The following DOCK11 variants were observed in gnomAD, a reference collection of about 807,000 sequenced individuals.
DOCK11 encodes dedicator of cytokinesis 11.
In DOCK11, 70 loss-of-function variants were observed where a neutral mutation model predicts 169.1. That is an observed-to-expected ratio of 0.41 (90% CI 0.34 to 0.51). The LOEUF is 0.51. Ranked by LOEUF, DOCK11 falls within the 20% of genes least tolerant of loss-of-function variation. The pLI is 0.10. For synonymous variants in DOCK11, 529 were observed against 541.3 expected (o/e 0.98, Z 0.32); for missense variants, 1,166 against 1,538.8 (o/e 0.76, Z 4.05).
At chrX:118,574,111 G>A (rs2013371411) in intron 12 of DOCK11, 93 bp downstream of exon 12, 1 of 932,708 alleles carries the variant, frequency 1.1e-6, no homozygotes, top group Non-Finnish European at 1.5e-6. Context: ...ATGTTTTCAT[G>A]GCATTCTCTC....
At chrX:118,568,198 TA>T (rs1432194211) in intron 10 of DOCK11, 36 bp downstream of exon 10, 2 of 865,453 alleles carry the variant, frequency 2.3e-6, no homozygotes, top group African/African-American at 4.2e-5. Context: ...GTCCTAGAAT[TA>T]TTGCTTATTC....
At chrX:118,654,511 G>A in intron 42 of DOCK11, 91 bp from the exon 43 acceptor site, 1 of 860,418 alleles carries the variant, frequency 1.2e-6, no homozygotes, top group East Asian at 3.1e-5. Flanking sequence ...AACAGGAAGT[G>A]AAAATCATAT....
intron 1 of DOCK11, among the ~76,000 whole-genome samples, chrX:118,525,092 C>T (rs1228433204): frequency 9.1e-6 from 1 of 109,581 alleles, no homozygotes; most frequent in Non-Finnish European, 1.9e-5. Context: ...TTGCAGTGAG[C>T]CAAAATAGCG....
At chrX:118,665,215 C>T (rs955181912) in intron 45 of DOCK11, among the ~76,000 whole-genome samples, 1 of 112,420 alleles carries the variant, frequency 8.9e-6, no homozygotes, top group Non-Finnish European at 1.9e-5. Flanking sequence ...TGTCCTTTTA[C>T]CCTCAGAACC....
chrX:118,662,962 C>A (rs1268063227), intron 45 of DOCK11, among the ~76,000 whole-genome samples, 170 bp downstream of exon 45: 2 of 112,143 alleles, frequency 1.8e-5, no homozygotes, highest in Non-Finnish European at 3.8e-5. Flanking sequence ...AGGGCCCTGT[C>A]TCTTGAACTG....
At chrX:118,683,251 A>G in intron 52 of DOCK11, 34 bp downstream of exon 52, 1 of 1,177,888 alleles carries the variant, frequency 8.5e-7, no homozygotes, top group Middle Eastern at 2.4e-4. Context: ...TGAAAACATG[A>G]TCTGCGGGTC....
intron 1 of DOCK11, among the ~76,000 whole-genome samples, chrX:118,500,158 C>T (rs937489184): frequency 4.2e-4 from 46 of 109,482 alleles, no homozygotes; most frequent in Non-Finnish European, 6.1e-4. Flanking sequence ...ACGTCATTCT[C>T]CCGCCTCAGC....
chrX:118,669,576 G>A (rs1176097784), intron 45 of DOCK11, among the ~76,000 whole-genome samples: 1 of 111,056 alleles, frequency 9.0e-6, no homozygotes, highest in Non-Finnish European at 1.9e-5. Flanking sequence ...CATTCATGAG[G>A]GCTCTGCCCT....
intron 1 of DOCK11, among the ~76,000 whole-genome samples, chrX:118,500,109 C>T (rs2057564680): frequency 1.9e-5 from 2 of 106,279 alleles, no homozygotes; most frequent in Admixed American, 1.0e-4. Context: ...AGTGCGGTGG[C>T]GGGATCTCGG....
intron 1 of DOCK11, among the ~76,000 whole-genome samples, chrX:118,497,073 A>G (rs1039879337): frequency 3.6e-5 from 4 of 112,455 alleles, no homozygotes; most frequent in Admixed American, 1.9e-4. Flanking sequence ...TGAATAAGCA[A>G]TCGGACTGAT....
intron 1 of DOCK11, among the ~76,000 whole-genome samples, chrX:118,509,899 A>T (rs772456526): frequency 8.1e-5 from 9 of 111,472 alleles, no homozygotes; most frequent in Non-Finnish European, 1.7e-4. Flanking sequence ...CTCCCTCCTC[A>T]AACCAGCAAT....
Position 118,566,018 on chromosome X carries a change from G to A in DOCK11, c.707G>A (p.Arg236His). ...TCTCCCCTCTAGTGCCCCAAAATGCGCCGTCATGCTTTTGAACTCAAGATG... is the reference window on the plus strand; with the variant it reads ...TCTCCCCTCTAGTGCCCCAAAATGCACCGTCATGCTTTTGAACTCAAGATG... ...CIDVVQCPKM[R>H]RHAFELKMLD... Residue 236 changes from arginine to histidine, a missense_variant, in exon 8 of 53, where the codon CGC (arginine) becomes CAC (histidine). By Grantham distance (29) the Arg-to-His change is conservative. Coordinates refer to ENST00000276202, the MANE Select transcript of DOCK11 (RefSeq NM_144658.4). 5 of 1,210,524 alleles carry A rather than the reference G, an allele frequency of 4.1e-6. No individual in the cohort carries two copies. Among genetic ancestry groups the A allele is most frequent in the Non-Finnish European group, 5.6e-6 (5 of 894,970 alleles).
chrX:118,654,250 A>G (rs920190895), intron 42 of DOCK11, among the ~76,000 whole-genome samples: 7 of 112,377 alleles, frequency 6.2e-5, no homozygotes, highest in Middle Eastern at 4.6e-3. Flanking sequence ...TGCTTGGCAC[A>G]TAGTAAGCTA....
chrX:118,584,655 T>C (rs2013760225), intron 14 of DOCK11, 80 bp from the exon 15 acceptor site: 2 of 956,433 alleles, frequency 2.1e-6, no homozygotes, highest in Admixed American at 8.2e-5. Context: ...CCATTTTACA[T>C]CCCGACCATT....
intron 39 of DOCK11, among the ~76,000 whole-genome samples, chrX:118,641,816 TG>T (rs1375434268): frequency 9.0e-6 from 1 of 111,029 alleles, no homozygotes; most frequent in Non-Finnish European, 1.9e-5. Context: ...GAGGGGGAAA[TG>T]GGATAATGGA....
Position 118,681,179 on chromosome X carries a change from G to T in DOCK11, c.5793G>T (p.Lys1931Asn), listed in dbSNP as rs184221230. Reference sequence around the variant, plus strand: ...AAGATAAAACTGCAGAGCTGCAAAAGCTTTGCTCCTCTACTGACGTGGACA... The same window carrying T: ...AAGATAAAACTGCAGAGCTGCAAAATCTTTGCTCCTCTACTGACGTGGACA... ...EIKDKTAELQ[K>N]LCSSTDVDMI... Residue 1931 changes from lysine to asparagine, a missense_variant, in exon 50 of 53, where the codon AAG becomes AAT. Transcript: ENST00000276202. 8.3e-7 allele frequency: 1 copy of T among 1,207,479 alleles called. No homozygotes were observed. Among genetic ancestry groups the T allele is most frequent in the Admixed American group, 2.2e-5 (1 of 45,264 alleles).
intron 1 of DOCK11, chrX:118,538,557 G>C (rs1435084739): frequency 3.7e-6 from 1 of 273,909 alleles, no homozygotes; most frequent in African/African-American, 2.9e-5. Context: ...CCAAATTTAG[G>C]TTGACGGTTT....
At chrX:118,516,093 C>CTTT (rs773184047) in intron 1 of DOCK11, among the ~76,000 whole-genome samples, 12 of 54,972 alleles carry the variant, frequency 2.2e-4, no homozygotes, top group East Asian at 5.6e-4. Flanking sequence ...TTTTCTTTTT[C>CTTT]TTTTTTTTTT....
chrX:118,584,785 C>T lies in DOCK11; in HGVS notation c.1646C>T (p.Ser549Phe). 1 of 1,197,540 alleles carries T rather than the reference C, an allele frequency of 8.4e-7. No homozygotes were observed. Among genetic ancestry groups the T allele is most frequent in the Non-Finnish European group, 1.1e-6 (1 of 888,019 alleles). Residue 549 changes from serine (S) to phenylalanine (F), a missense_variant, in exon 15 of 53, where the codon TCT becomes TTT. Transcript: ENST00000276202. ...TCTCTTGATCTGGATGGGAGATTTT[C>T]TCCTCTGTATAAACAAGACAGTAGC... ...QGSLDLDGRF[S>F]PLYKQDSSKL...
Sources: allele counts gnomAD v4.1 joint callset (sites outside exome capture counted in the v4.1 genomes callset), GRCh38; gene constraint gnomAD v4.1.1; transcripts MANE v1.5; gene names NCBI Gene and HGNC (gene_info 2026-07-23, HGNC 2026-07-21).